CSMD3: variants seen among roughly 807,000 people sequenced by gnomAD.
CSMD3 encodes the protein CUB and sushi domain-containing protein 3.
A neutral mutation model predicts 435.2 loss-of-function variants in CSMD3; 177 were observed. The ratio of observed to expected loss-of-function variants is 0.41; its 90% CI spans 0.36 to 0.46. CSMD3 has a LOEUF of 0.46. CSMD3 is among the 20% of genes least tolerant of loss of function. CSMD3 has a pLI of 0.34. For synonymous variants in CSMD3, 1,656 were observed against 1,520.5 expected (o/e 1.09, Z -2.07); for missense variants, 4,265 against 4,504.6 (o/e 0.95, Z 1.52).
intron 33 of CSMD3, 72 bp downstream of exon 33, chr8:112,408,847 C>A: frequency 6.2e-7 from 1 of 1,609,428 alleles, no homozygotes; most frequent in Non-Finnish European, 8.5e-7. Context: ...TAAATCTCAA[C>A]TTTCACTACA....
At chr8:112,729,258 G>C (rs1038714586) in intron 13 of CSMD3, among the ~76,000 whole-genome samples, 1 of 152,002 alleles carries the variant, frequency 6.6e-6, no homozygotes, top group African/African-American at 2.4e-5. Context: ...GCAGGGGTGA[G>C]GGAGGAGGGG....
intron 13 of CSMD3, among the ~76,000 whole-genome samples, chr8:112,758,224 G>A (rs1476548289): frequency 2.0e-5 from 3 of 151,896 alleles, no homozygotes; most frequent in Non-Finnish European, 4.4e-5. Flanking sequence ...CATGGTGGCA[G>A]GCACCTATAA....
At chr8:112,510,102 G>A (rs1447592530) in intron 28 of CSMD3, among the ~76,000 whole-genome samples, 5 of 152,060 alleles carry the variant, frequency 3.3e-5, no homozygotes, top group Admixed American at 6.5e-5. Flanking sequence ...GCCCTGCCAG[G>A]ACTCCACCCT....
chr8:112,840,959 A>C (rs1056278448), intron 11 of CSMD3, among the ~76,000 whole-genome samples: 4 of 151,768 alleles, frequency 2.6e-5, no homozygotes, highest in Admixed American at 2.0e-4. Flanking sequence ...CACTGGGGGA[A>C]GAATATAGTA....
intron 1 of CSMD3, among the ~76,000 whole-genome samples, chr8:113,428,207 T>C (rs1434448245): frequency 6.3e-5 from 1 of 15,980 alleles, no homozygotes; most frequent in East Asian, 1.0e-3. Flanking sequence ...CTGTGGGATA[T>C]CTATCTATCT....
intron 27 of CSMD3, among the ~76,000 whole-genome samples, chr8:112,536,616 C>T (rs1265599163): frequency 6.6e-6 from 1 of 152,066 alleles, no homozygotes. Context: ...TGTAGCAATT[C>T]CTCAGGGATC....
chr8:112,648,875 A>C (rs1328320202), intron 19 of CSMD3, among the ~76,000 whole-genome samples: 1 of 152,208 alleles, frequency 6.6e-6, no homozygotes, highest in Non-Finnish European at 1.5e-5. Flanking sequence ...ATAGATGAGC[A>C]CATGACCAAG....
chr8:112,567,954 C>T (rs992348245), intron 24 of CSMD3, among the ~76,000 whole-genome samples: 3 of 152,054 alleles, frequency 2.0e-5, no homozygotes, highest in African/African-American at 2.4e-5. Flanking sequence ...ATGTCTCATT[C>T]GGATATTTAT....
intron 32 of CSMD3, among the ~76,000 whole-genome samples, chr8:112,440,704 A>G (rs1409698018): frequency 3.9e-5 from 6 of 152,224 alleles, no homozygotes; most frequent in Admixed American, 3.9e-4. Context: ...GTGTACCCAC[A>G]GGTCCAACGC....
At chr8:112,564,033 A>G (rs894261011) in intron 24 of CSMD3, among the ~76,000 whole-genome samples, 1 of 152,056 alleles carries the variant, frequency 6.6e-6, no homozygotes, top group African/African-American at 2.4e-5. Flanking sequence ...TTTTAAACTA[A>G]AAAAGAATTT....
chr8:112,655,759 G>C (rs78197529), intron 18 of CSMD3, among the ~76,000 whole-genome samples: 2,441 of 151,966 alleles, frequency 0.016, 63 homozygotes, highest in African/African-American at 0.055. Context: ...TGTGCAATTA[G>C]TGTGAGGAAA....
intron 31 of CSMD3, among the ~76,000 whole-genome samples, chr8:112,484,254 A>G (rs956639716): frequency 1.3e-5 from 2 of 152,170 alleles, no homozygotes; most frequent in Admixed American, 6.6e-5. Context: ...TCTCTTAATT[A>G]CAAATGTAGG....
chr8:113,416,424 G>A (rs572488311), intron 1 of CSMD3, among the ~76,000 whole-genome samples: 4 of 152,114 alleles, frequency 2.6e-5, no homozygotes, highest in South Asian at 2.1e-4. Flanking sequence ...TTTTAAAGTC[G>A]AAAACTTGGC....
intron 40 of CSMD3, among the ~76,000 whole-genome samples, chr8:112,348,049 A>C (rs1444343209): frequency 6.6e-6 from 1 of 152,210 alleles, no homozygotes; most frequent in Non-Finnish European, 1.5e-5. Flanking sequence ...AAAAGAGAAA[A>C]AGAAAACAGA....
At position 113,157,309 on chromosome 8, in the gene CSMD3, T is replaced by G. The variant is rs73344358; in HGVS notation, c.709+16413A>C. 3.5e-3 allele frequency among the ~76,000 whole-genome samples: 539 copies of G among 152,246 alleles called. 3 individuals carry two copies. The highest frequency in any genetic ancestry group is 0.012 in the African/African-American group (503 of 41,570). The stretch of plus-strand genomic sequence containing the variant: ...GCTTTGACTATAAAGCTCATGCTGT[T>G]TGCTGTGCTTTGATTAACAAAGTCC... On this transcript the variant is annotated intron_variant, in intron 4 of 70. Transcript: ENST00000297405.
At chr8:112,244,276 G>A in intron 65 of CSMD3, 118 bp downstream of exon 65, 5 of 808,716 alleles carry the variant, frequency 6.2e-6, no homozygotes, top group South Asian at 5.7e-5. Context: ...CCTAGACTTG[G>A]AGTTAGCCAA....
intron 13 of CSMD3, among the ~76,000 whole-genome samples, chr8:112,708,381 A>G (rs1318350672): frequency 1.3e-5 from 2 of 152,046 alleles, no homozygotes; most frequent in East Asian, 1.9e-4. Flanking sequence ...GATATTAGCA[A>G]TTTTAGAATA....
chr8:112,264,015 C>G (rs1342718022), intron 60 of CSMD3, among the ~76,000 whole-genome samples: 1 of 152,124 alleles, frequency 6.6e-6, no homozygotes. Flanking sequence ...TTCTTGGCAA[C>G]ATAATGGCTA....
chr8:112,516,546 C>T (rs760113168), intron 28 of CSMD3, among the ~76,000 whole-genome samples: 35 of 152,076 alleles, frequency 2.3e-4, no homozygotes, highest in African/African-American at 3.9e-4. Flanking sequence ...ATGATCCAGG[C>T]GCTACAGCTT....
Sources: gnomAD v4.1 joint callset for allele counts (sites outside exome capture counted in the v4.1 genomes callset) on GRCh38, gnomAD v4.1.1 for gene constraint, MANE v1.5 for transcripts, NCBI Gene and HGNC (gene_info 2026-07-23, HGNC 2026-07-21) for gene names.